Variants in ANO1 observed in about 807,000 individuals in gnomAD.
ANO1 encodes the protein anoctamin 1, also known as anoctamin-1.
Under a neutral mutation model 124.0 loss-of-function variants are expected in ANO1, and 59 were observed. The ratio of observed to expected loss-of-function variants is 0.48; its 90% CI spans 0.39 to 0.59. The LOEUF is 0.59. ANO1 is among the 20% of genes least tolerant of loss of function. The probability of loss-of-function intolerance (pLI) is 0.00; values close to 1 mark genes in which losing one functional copy is unlikely to be tolerated. For missense variants in ANO1, 1,059 were observed against 1,328.0 expected (o/e 0.80, Z 3.15); for synonymous variants, 529 against 532.0 (o/e 0.99, Z 0.08).
chr11:70,103,036 C>A (rs1332221561), intron 2 of ANO1, 30 bp from the exon 3 acceptor site: 5 of 1,549,206 alleles, frequency 3.2e-6, no homozygotes, highest in Non-Finnish European at 4.4e-6. Flanking sequence ...ACCGCCCCCC[C>A]TCAACCCAGA....
chr11:70,046,388 C>T (rs1355021921), intron 1 of ANO1, among the ~76,000 whole-genome samples: 1 of 152,120 alleles, frequency 6.6e-6, no homozygotes, highest in African/African-American at 2.4e-5. Context: ...AGCTCTGAGA[C>T]CCCCGTATTC....
intron 1 of ANO1, among the ~76,000 whole-genome samples, chr11:70,001,793 GTGTGTT>G (rs1856386855): frequency 7.7e-6 from 1 of 129,576 alleles, no homozygotes; most frequent in South Asian, 2.6e-4. Flanking sequence ...GTGTGTGTGT[GTGTGTT>G]TTGTTTTTTG....
rs1053219538 is a variant in ANO1, at chr11:70,121,221, C to G, written c.898-3129C>G. 2.6e-5 allele frequency among the ~76,000 whole-genome samples: 4 copies of G among 152,004 alleles called. No individual in the cohort carries two copies. In the East Asian group the frequency reaches 7.7e-4, roughly 29 times the overall value. Reference sequence around the variant, plus strand: ...CTCCCCCACTTCTCTCTGTCCATCTCTCTATCTCTGTCTCTCCATCTGCCT... The same window carrying G: ...CTCCCCCACTTCTCTCTGTCCATCTGTCTATCTCTGTCTCTCCATCTGCCT... On this transcript the variant is annotated intron_variant, in intron 8 of 25. Transcript: ENST00000355303.
intron 1 of ANO1, among the ~76,000 whole-genome samples, chr11:70,083,763 C>A (rs1176329688): frequency 6.6e-6 from 1 of 152,172 alleles, no homozygotes. Context: ...GTACTGAGGT[C>A]AGGTTGGAGC....
At chr11:70,147,967 G>A (rs1287907817) in intron 11 of ANO1, among the ~76,000 whole-genome samples, 2 of 152,176 alleles carry the variant, frequency 1.3e-5, no homozygotes, top group African/African-American at 2.4e-5. Context: ...GGGGTCGGCG[G>A]GGGGTTCCTA....
At chr11:70,098,748 G>GAT (rs2135322631) in intron 2 of ANO1, among the ~76,000 whole-genome samples, 1 of 152,332 alleles carries the variant, frequency 6.6e-6, no homozygotes, top group African/African-American at 2.4e-5. Context: ...AAGACTGGAT[G>GAT]ATAGAAGCAC....
intron 1 of ANO1, among the ~76,000 whole-genome samples, chr11:69,993,863 C>G (rs1213964807): frequency 2.6e-5 from 4 of 152,214 alleles, no homozygotes; most frequent in Non-Finnish European, 5.9e-5. Flanking sequence ...CTTCCTATAG[C>G]CCTTCATCCC....
At chr11:70,031,579 G>A (rs782437340) in intron 1 of ANO1, among the ~76,000 whole-genome samples, 4 of 152,162 alleles carry the variant, frequency 2.6e-5, no homozygotes, top group African/African-American at 4.8e-5. Flanking sequence ...CACATTCAAG[G>A]TGAGCCGTTG....
chr11:70,070,654 C>T (rs370624918), intron 1 of ANO1, among the ~76,000 whole-genome samples: 11 of 152,152 alleles, frequency 7.2e-5, no homozygotes, highest in African/African-American at 2.2e-4. Flanking sequence ...CCAGCCTGGG[C>T]GACAGAGTGA....
At chr11:70,076,712 G>A (rs1288125879), upstream of ANO1, among the ~76,000 whole-genome samples, 1 of 152,134 alleles carries the variant, frequency 6.6e-6, no homozygotes, top group Non-Finnish European at 1.5e-5. Flanking sequence ...GCTGTCCAAG[G>A]TGCAGACAAA....
intron 11 of ANO1, among the ~76,000 whole-genome samples, chr11:70,139,502 T>G (rs913046906): frequency 5.9e-5 from 9 of 152,058 alleles, no homozygotes; most frequent in African/African-American, 2.2e-4. Context: ...TTTTGTATTT[T>G]CAGGAGAGAC....
intron 1 of ANO1, among the ~76,000 whole-genome samples, chr11:70,020,072 C>A (rs531460632): frequency 1.3e-5 from 2 of 152,182 alleles, no homozygotes; most frequent in African/African-American, 4.8e-5. Flanking sequence ...GCTTGGTGGG[C>A]GGGCGCTAGG....
At chr11:70,182,467 T>C in intron 23 of ANO1, 35 bp from the exon 24 acceptor site, 1 of 1,469,788 alleles carries the variant, frequency 6.8e-7, no homozygotes, top group Non-Finnish European at 9.0e-7. Flanking sequence ...GCGCCCAGGC[T>C]GGGGGTCCCC....
chr11:70,087,941 C>A lies in ANO1; in HGVS notation c.298C>A (p.Pro100Thr). ...SGARSVKQDH[P>T]LPGKGASLDA... The stretch of plus-strand genomic sequence containing the variant: ...GGCTCGCAGCGTCAAGCAGGACCAC[C>A]CCCTGCCGGGCAAGGGGGCGTCGCT... The change falls in exon 2 of 26, where the codon CCC becomes ACC. Residue 100 changes from proline to threonine, a missense_variant. Transcript: ENST00000355303. The A allele has an allele frequency of 6.2e-7, 1 of 1,602,918 alleles. No individual in the cohort carries two copies. Among genetic ancestry groups the A allele is most frequent in the Non-Finnish European group, 8.5e-7 (1 of 1,174,654 alleles).
chr11:70,111,115 T>C (rs1013542481), intron 6 of ANO1: 41 of 456,516 alleles, frequency 9.0e-5, no homozygotes, highest in Non-Finnish European at 1.8e-4. Context: ...TAATAGCCAA[T>C]GTATAAACAG....
intron 14 of ANO1, among the ~76,000 whole-genome samples, chr11:70,153,360 G>A (rs1444109287): frequency 1.3e-5 from 2 of 152,210 alleles, no homozygotes; most frequent in Non-Finnish European, 2.9e-5. Context: ...AAACAGACAG[G>A]GGGCCAGATT....
At chr11:69,985,037 A>G (rs1430043838), upstream of ANO1, among the ~76,000 whole-genome samples, 2 of 152,148 alleles carry the variant, frequency 1.3e-5, no homozygotes, top group Non-Finnish European at 1.5e-5. Context: ...TAGGGCCCAC[A>G]TTGCTGCTGT....
At chr11:70,139,293 A>G (rs1228515271) in intron 11 of ANO1, among the ~76,000 whole-genome samples, 1 of 152,138 alleles carries the variant, frequency 6.6e-6, no homozygotes, top group Non-Finnish European at 1.5e-5. Flanking sequence ...AGTAGCTGGC[A>G]TTACAGGCAC....
intron 1 of ANO1, among the ~76,000 whole-genome samples, chr11:70,013,303 G>A (rs987822425): frequency 6.6e-6 from 1 of 152,188 alleles, no homozygotes; most frequent in African/African-American, 2.4e-5. Flanking sequence ...TCAAGATCAC[G>A]TTGCAAATTT....
Sources: gnomAD v4.1 joint callset for allele counts (sites outside exome capture counted in the v4.1 genomes callset) on GRCh38, gnomAD v4.1.1 for gene constraint, MANE v1.5 for transcripts, NCBI Gene and HGNC (gene_info 2026-07-23, HGNC 2026-07-21) for gene names.